TBL1XR1: variants seen among roughly 807,000 people sequenced by gnomAD.
TBL1XR1 encodes F-box-like/WD repeat-containing protein TBL1XR1.
TBL1XR1 carries 5 observed loss-of-function variants against 66.9 expected under a neutral mutation model. The observed-to-expected ratio is 0.07, with a 90% CI of 0.04 to 0.16. The LOEUF (loss-of-function observed/expected upper bound fraction) is 0.16, where lower values mean the gene tolerates loss of function less well. TBL1XR1 is among the 10% of genes least tolerant of loss of function. The pLI, the probability that TBL1XR1 is intolerant of heterozygous loss-of-function variation, is 1.00. For missense variants in TBL1XR1, 238 were observed against 623.2 expected, an observed-to-expected ratio of 0.38 and a Z score of 6.58; for synonymous variants, 210 against 206.0, an observed-to-expected ratio of 1.02 and a Z score of -0.17.
At chr3:177,109,254 CCAAA>C (rs1458954775) in intron 1 of TBL1XR1, among the ~76,000 whole-genome samples, 11 of 152,006 alleles carry the variant, frequency 7.2e-5, no homozygotes, top group Admixed American at 2.6e-4. Flanking sequence ...ATGAAAGCAA[CCAAA>C]CATTCAATCA....
intron 1 of TBL1XR1, among the ~76,000 whole-genome samples, chr3:177,195,413 G>T (rs917171627): frequency 1.2e-5 from 1 of 80,016 alleles, no homozygotes; most frequent in Non-Finnish European, 3.5e-5. Context: ...GGGAGACAAA[G>T]GTGCCCTACT....
chr3:177,114,230 C>T (rs534439343), intron 1 of TBL1XR1, among the ~76,000 whole-genome samples: 16 of 151,524 alleles, frequency 1.1e-4, no homozygotes, highest in African/African-American at 3.9e-4. Flanking sequence ...TATATACATA[C>T]ACATCATATA....
At chr3:177,152,080 G>GT (rs979534977) in intron 1 of TBL1XR1, among the ~76,000 whole-genome samples, 8 of 152,124 alleles carry the variant, frequency 5.3e-5, no homozygotes, top group African/African-American at 1.9e-4. Flanking sequence ...ATTCAAATGG[G>GT]TAACAGTATG....
At chr3:177,111,961 G>T (rs1394577676) in intron 1 of TBL1XR1, among the ~76,000 whole-genome samples, 2 of 150,450 alleles carry the variant, frequency 1.3e-5, no homozygotes, top group Non-Finnish European at 3.0e-5. Context: ...GGGTTTATTG[G>T]ATTGACTGCT....
rs1450061640 is a variant in TBL1XR1 at position 177,082,738 on chromosome 3, T to TTTTATATATATATATATATATATA, written c.-46+15727_-46+15728insTATATATATATATATATATATAAA. The stretch of plus-strand genomic sequence containing the variant: ...TATTACTAAATTTCTAAGATAGAGA[T>TTTTATATATATATATATATATATA]TATATATATATATATATATATATAT... On this transcript the variant is annotated intron_variant, in intron 2 of 15. Coordinates refer to ENST00000457928, the MANE Select transcript of TBL1XR1 (RefSeq NM_024665.7). 9.9e-3 allele frequency among the ~76,000 whole-genome samples: 625 copies of TTTTATATATATATATATATATATA among 63,202 alleles called. 82 individuals carry two copies. Among genetic ancestry groups the TTTTATATATATATATATATATATA allele is most frequent in the Non-Finnish European group, 0.01 (349 of 33,292 alleles). The allele number at this position is 63,202 out of a possible 152,430, so 41.5% of individuals were successfully genotyped here.
intron 7 of TBL1XR1, among the ~76,000 whole-genome samples, chr3:177,049,684 A>G (rs1332595772): frequency 1.3e-5 from 2 of 152,166 alleles, no homozygotes; most frequent in African/African-American, 4.8e-5. Flanking sequence ...CTATTATCTC[A>G]AATATTTAGG....
rs531800486 is a variant in TBL1XR1, at chr3:177,125,133, CACAGA to C, written c.-121-26597_-121-26593del. 4.6e-5 allele frequency among the ~76,000 whole-genome samples: 7 copies of C among 151,854 alleles called. No homozygotes were observed. The South Asian group carries it at 1.0e-3, about 23-fold the overall frequency. On this transcript the variant is annotated intron_variant, in intron 1 of 15. Coordinates refer to ENST00000457928, the MANE Select transcript of TBL1XR1 (RefSeq NM_024665.7). ...AGACAACATCAAGAAAGTGAAAACCCACAGAACAGGACAAAAGTTGTGTAAATCAT... is the reference window on the plus strand; with the variant it reads ...AGACAACATCAAGAAAGTGAAAACCCACAGGACAAAAGTTGTGTAAATCAT...
rs971060971 is a variant in TBL1XR1 at position 177,049,894 on chromosome 3, A to G, written c.702+103T>C. The G allele has an allele frequency of 3.8e-5, 51 of 1,347,738 alleles. No individual in the cohort carries two copies. In the African/African-American group the frequency reaches 7.2e-4, roughly 19 times the overall value. The allele number at this position is 1,347,738 out of a possible 1,614,324, so 83.5% of individuals were successfully genotyped here. ...CCGGTTTGTTGTTACTAGTTAATAAAACCCCAAATTCTGAACAAATAGACA... is the reference window on the plus strand; with the variant it reads ...CCGGTTTGTTGTTACTAGTTAATAAGACCCCAAATTCTGAACAAATAGACA... On this transcript the variant is annotated intron_variant, in intron 7 of 15. Coordinates refer to ENST00000457928, the MANE Select transcript of TBL1XR1 (RefSeq NM_024665.7).
At chr3:177,108,792 T>C (rs959543608) in intron 1 of TBL1XR1, among the ~76,000 whole-genome samples, 5 of 151,964 alleles carry the variant, frequency 3.3e-5, no homozygotes, top group Non-Finnish European at 7.4e-5. Flanking sequence ...AAACAGACAA[T>C]AAAGACACTG....
chr3:177,191,656 T>C (rs2109009498), intron 1 of TBL1XR1, among the ~76,000 whole-genome samples: 1 of 152,310 alleles, frequency 6.6e-6, no homozygotes, highest in South Asian at 2.1e-4. Flanking sequence ...TAAGGACAAC[T>C]ATCTAGACAG....
intron 2 of TBL1XR1, among the ~76,000 whole-genome samples, chr3:177,082,144 T>C (rs1034301956): frequency 1.5e-4 from 23 of 152,130 alleles, no homozygotes; most frequent in African/African-American, 5.6e-4. Flanking sequence ...TACAACAAAA[T>C]GGCTAGAGCT....
chr3:177,171,397 A>G (rs1261414061), intron 1 of TBL1XR1: 1 of 151,192 alleles, frequency 6.6e-6, no homozygotes, highest in African/African-American at 2.4e-5. Context: ...TACCTCCTGA[A>G]TTAGAAGTGT....
chr3:177,193,165 T>C (rs1736383661), intron 1 of TBL1XR1, among the ~76,000 whole-genome samples: 3 of 151,150 alleles, frequency 2.0e-5, no homozygotes. Context: ...AAAAATAAAA[T>C]AAAATAAAAT....
At chr3:177,155,874 T>C (rs1051959153) in intron 1 of TBL1XR1, among the ~76,000 whole-genome samples, 4 of 151,952 alleles carry the variant, frequency 2.6e-5, no homozygotes, top group African/African-American at 4.8e-5. Flanking sequence ...CCAGGCGTGG[T>C]GGCACATGCC....
intron 7 of TBL1XR1, among the ~76,000 whole-genome samples, chr3:177,048,164 TAA>T (rs1237983989): frequency 6.6e-6 from 1 of 152,164 alleles, no homozygotes; most frequent in Non-Finnish European, 1.5e-5. Flanking sequence ...ACTTTATAGT[TAA>T]TGAAGTAAGT....
chr3:177,182,731 G>C (rs1432273502), intron 1 of TBL1XR1, among the ~76,000 whole-genome samples: 1 of 151,838 alleles, frequency 6.6e-6, no homozygotes, highest in Non-Finnish European at 1.5e-5. Flanking sequence ...GTCATCATTG[G>C]CAAGGATGTT....
intron 1 of TBL1XR1, among the ~76,000 whole-genome samples, chr3:177,171,727 A>AAAT (rs1733540230): frequency 6.7e-6 from 1 of 149,980 alleles, no homozygotes; most frequent in East Asian, 2.0e-4. Flanking sequence ...AAAAAAAAAA[A>AAAT]GTTTGCTGTG....
chr3:177,104,013 G>A (rs1353139051), intron 1 of TBL1XR1, among the ~76,000 whole-genome samples: 3 of 151,910 alleles, frequency 2.0e-5, no homozygotes, highest in African/African-American at 4.8e-5. Context: ...CTACTCGGGA[G>A]GCTGAGGCAG....
chr3:177,138,397 C>T lies in TBL1XR1; in HGVS notation c.-121-39856G>A, dbSNP rs150109772. Among the ~76,000 whole-genome samples the T allele has an allele frequency of 9.7e-4, 147 of 152,014 alleles. 4 individuals are homozygous for T. The East Asian group carries it at 0.024, about 25-fold the overall frequency. ...ACTGATTGAGCCCAGGAGTGTGAGG[C>T]CAGCCTGGGCAACATGGTATGACTC... On this transcript the variant is annotated intron_variant, in intron 1 of 15. Coordinates refer to ENST00000457928, the MANE Select transcript of TBL1XR1 (RefSeq NM_024665.7).
Sources: allele counts gnomAD v4.1 joint callset (sites outside exome capture counted in the v4.1 genomes callset), GRCh38; gene constraint gnomAD v4.1.1; transcripts MANE v1.5; gene names NCBI Gene and HGNC (gene_info 2026-07-23, HGNC 2026-07-21).